Variants in CCDC186 observed in about 807,000 individuals in gnomAD.
CCDC186 encodes the protein coiled-coil domain-containing protein 186.
A neutral mutation model predicts 113.7 loss-of-function variants in CCDC186; 49 were observed. The observed-to-expected ratio is 0.43, with a 90% CI of 0.34 to 0.55. The LOEUF is 0.55. CCDC186 is among the 20% of genes least tolerant of loss of function. The pLI is 0.02. For missense variants in CCDC186, 890 were observed against 1,011.1 expected, an observed-to-expected ratio of 0.88 and a Z score of 1.62; for synonymous variants, 355 against 345.8, an observed-to-expected ratio of 1.03 and a Z score of -0.30.
At chr10:114,130,894 T>C (rs1024410212) in intron 12 of CCDC186, 7 of 328,082 alleles carry the variant, frequency 2.1e-5, no homozygotes, top group Non-Finnish European at 3.8e-5. Context: ...AAAGTTTAGA[T>C]ACTAATGCCC....
chr10:114,125,390 G>C (rs2030864231), intron 15 of CCDC186, among the ~76,000 whole-genome samples, 164 bp from the exon 16 acceptor site: 1 of 152,126 alleles, frequency 6.6e-6, no homozygotes, highest in Admixed American at 6.6e-5. Flanking sequence ...TTTCAGTAAA[G>C]TACTCCTGTC....
At chr10:114,143,932 T>C (rs941400059) in intron 6 of CCDC186, among the ~76,000 whole-genome samples, 1 of 152,140 alleles carries the variant, frequency 6.6e-6, no homozygotes, top group Admixed American at 6.5e-5. Context: ...GGTATCAGCC[T>C]TTATAATTAC....
At chr10:114,127,887 T>G (rs896679121) in intron 13 of CCDC186, among the ~76,000 whole-genome samples, 1 of 152,052 alleles carries the variant, frequency 6.6e-6, no homozygotes, top group African/African-American at 2.4e-5. Flanking sequence ...GAAGTGGTAA[T>G]AGAGCAACAA....
In CCDC186 at chr10:114,126,254, T is replaced by A. The variant is rs540700507; in HGVS notation, c.2394-149A>T. ...TAGAAAAGAATTCTCCTTATTCAGA[T>A]GGTTTCTTAAACTATCTCATTTTTG... On this transcript the variant is annotated intron_variant, in intron 14 of 15. Coordinates refer to ENST00000369287, the MANE Select transcript of CCDC186 (RefSeq NM_018017.4). 8.2e-4 allele frequency: 524 copies of A among 641,348 alleles called. 1 individual carries two copies. The African/African-American group carries it at 8.6e-3, about 10-fold the overall frequency. 39.7% of individuals were successfully genotyped at this position (641,348 alleles called of 1,614,324 possible). A position where few individuals can be genotyped will look rare whatever the true frequency, so the allele number is the denominator to read the frequency against.
At chr10:114,164,426 G>C (rs2032276433) in intron 1 of CCDC186, among the ~76,000 whole-genome samples, 3 of 151,850 alleles carry the variant, frequency 2.0e-5, no homozygotes, top group South Asian at 4.1e-4. Context: ...CCCGGCATAG[G>C]ATAGATTTTT....
In CCDC186 at chr10:114,124,770, T is replaced by C. The variant is rs971985417; in HGVS notation, c.*373A>G. Reference sequence around the variant, plus strand: ...ACTGAATGTTTACCACCTGTTTTCATGCATAATTTTTAAAAGGTGAGTCAT... The same window carrying C: ...ACTGAATGTTTACCACCTGTTTTCACGCATAATTTTTAAAAGGTGAGTCAT... On this transcript the variant is annotated 3_prime_UTR_variant, in exon 16 of 16. Transcript: ENST00000369287. The C allele has an allele frequency of 4.8e-5, 8 of 166,904 alleles. No individual in the cohort carries two copies. The highest frequency in any genetic ancestry group is 1.9e-4 in the Admixed American group (3 of 15,732). 10.3% of individuals were successfully genotyped at this position (166,904 alleles called of 1,614,324 possible).
intron 14 of CCDC186, 131 bp from the exon 15 acceptor site, chr10:114,126,236 G>C: frequency 3.0e-6 from 2 of 671,834 alleles, no homozygotes; most frequent in South Asian, 4.1e-5. Context: ...TATTAGAAAA[G>C]AATTCTCCTT....
intron 10 of CCDC186, among the ~76,000 whole-genome samples, chr10:114,133,401 T>C (rs1191317223): frequency 1.3e-5 from 2 of 152,156 alleles, no homozygotes; most frequent in African/African-American, 4.8e-5. Context: ...AGAAACCGAT[T>C]TTGGAAATGC....
chr10:114,143,575 G>A (rs2031544316), intron 6 of CCDC186, among the ~76,000 whole-genome samples: 1 of 152,142 alleles, frequency 6.6e-6, no homozygotes, highest in Non-Finnish European at 1.5e-5. Flanking sequence ...TAGTAGGTCA[G>A]CTTCAGACTT....
intron 3 of CCDC186, among the ~76,000 whole-genome samples, chr10:114,157,263 T>A (rs985330571): frequency 4.0e-5 from 6 of 149,942 alleles, no homozygotes; most frequent in Admixed American, 2.0e-4. Flanking sequence ...AGCTCACTGC[T>A]GCCTCAATCT....
chr10:114,143,422 T>C (rs1486100974), intron 6 of CCDC186, among the ~76,000 whole-genome samples: 1 of 152,234 alleles, frequency 6.6e-6, no homozygotes, highest in Admixed American at 6.5e-5. Context: ...TTTATGAATT[T>C]GGAATTTCAA....
At chr10:114,149,132 A>G (rs2031734220) in intron 4 of CCDC186, among the ~76,000 whole-genome samples, 1 of 152,210 alleles carries the variant, frequency 6.6e-6, no homozygotes, top group African/African-American at 2.4e-5. Context: ...CTACTTTAAT[A>G]ATATCCACTT....
At position 114,151,734 on chromosome 10, in the gene CCDC186, T is replaced by C. The variant is rs142616350; in HGVS notation, c.760-514A>G. ...GCCATCTCAGTTACCAGACTGACTA[T>C]GGCAGGACGACAGTGCTTGTGTGCA... is the stretch of plus-strand genomic sequence containing the variant. On this transcript the variant is annotated intron_variant, in intron 3 of 15. Coordinates refer to ENST00000369287, the MANE Select transcript of CCDC186 (RefSeq NM_018017.4). Among the ~76,000 whole-genome samples, 560 of 152,324 alleles carry C rather than the reference T, an allele frequency of 3.7e-3. 1 individual carries two copies. Among genetic ancestry groups the C allele is most frequent in the Middle Eastern group, 0.024 (7 of 294 alleles).
intron 13 of CCDC186, among the ~76,000 whole-genome samples, chr10:114,128,540 A>G (rs1303995793): frequency 6.6e-6 from 1 of 152,186 alleles, no homozygotes; most frequent in Non-Finnish European, 1.5e-5. Context: ...GGAGTCAAAG[A>G]GTTCTCACTG....
intron 13 of CCDC186, among the ~76,000 whole-genome samples, chr10:114,128,245 G>C (rs2030976072): frequency 6.6e-6 from 1 of 152,170 alleles, no homozygotes; most frequent in Non-Finnish European, 1.5e-5. Context: ...GCATTATGTA[G>C]TGTTAGGTAT....
At position 114,157,638 on chromosome 10, in the gene CCDC186, G is replaced by A; in HGVS notation, c.675C>T (p.Asp225=). The change falls in exon 3 of 16, where the codon GAC becomes GAT. Residue 225 remains aspartate (D), a synonymous_variant. Transcript: ENST00000369287. ...TTAAATTGTCTTTTTCTGAACAAATGTCTACGAAGAGCTCCTGATGCTTCT... is the reference window on the plus strand; with the variant it reads ...TTAAATTGTCTTTTTCTGAACAAATATCTACGAAGAGCTCCTGATGCTTCT... ...ENKKHQELFV[D]ICSEKDNLRE... is the part of the protein sequence containing the mutation. 6.2e-7 allele frequency: 1 copy of A among 1,607,322 alleles called. No individual in the cohort carries two copies. Among genetic ancestry groups the A allele is most frequent in the Non-Finnish European group, 8.5e-7 (1 of 1,177,024 alleles).
Position 114,145,623 on chromosome 10 carries a change from G to A in CCDC186, c.1027C>T (p.Leu343Phe). 1 of 1,613,166 alleles carries A rather than the reference G, an allele frequency of 6.2e-7. No individual in the cohort carries two copies. Among genetic ancestry groups the A allele is most frequent in the Non-Finnish European group, 8.5e-7 (1 of 1,179,842 alleles). Residue 343 changes from leucine (L) to phenylalanine (F), a missense_variant, in exon 5 of 16, where the codon CTT becomes TTT. Coordinates refer to ENST00000369287, the MANE Select transcript of CCDC186 (RefSeq NM_018017.4). ...EKKLRDANKE[L>F]EKNTNKIKQL... ...TTAATTTTGTTAGTGTTTTTCTCAA[G>A]TTCCTTATTTGCATCTCTAAGTTTT...
At position 114,127,526 on chromosome 10, in the gene CCDC186, A is replaced by G; in HGVS notation, c.2328T>C (p.Asn776=). ...GGTCCTCCATAAATTCTATCTTTTC[A>G]TTTTTCCGGGCATGTGCTTTTTGCA... ...VRLQKAHARK[N]EKIEFMEDHI... The change falls in exon 14 of 16, where the codon AAT becomes AAC. Residue 776 remains asparagine, a synonymous_variant. Coordinates refer to ENST00000369287, the MANE Select transcript of CCDC186 (RefSeq NM_018017.4). 1 of 1,613,734 alleles carries G rather than the reference A, an allele frequency of 6.2e-7. No homozygotes were observed. Among genetic ancestry groups the G allele is most frequent in the East Asian group, 2.2e-5 (1 of 44,862 alleles).
intron 1 of CCDC186, among the ~76,000 whole-genome samples, chr10:114,167,210 G>A (rs987017340): frequency 4.0e-5 from 6 of 151,704 alleles, no homozygotes; most frequent in East Asian, 1.9e-4. Context: ...CAGTGTAGAC[G>A]GGGTTTCACC....
Sources: gnomAD v4.1 joint callset for allele counts (sites outside exome capture counted in the v4.1 genomes callset) on GRCh38, gnomAD v4.1.1 for gene constraint, MANE v1.5 for transcripts, NCBI Gene and HGNC (gene_info 2026-07-23, HGNC 2026-07-21) for gene names.